The following CERKL variants were observed in gnomAD, a reference collection of about 807,000 sequenced individuals.
CERKL encodes the protein ceramide kinase-like protein.
CERKL carries 61 observed loss-of-function variants against 63.4 expected under a neutral mutation model. The ratio of observed to expected loss-of-function variants is 0.96; its 90% CI spans 0.78 to 1.19. CERKL has a LOEUF of 1.19. CERKL is among the 50% of genes most tolerant of loss of function. CERKL has a pLI of 0.00. For synonymous variants in CERKL, 250 were observed against 230.5 expected, an observed-to-expected ratio of 1.08 and a Z score of -0.77; for missense variants, 675 against 655.5, an observed-to-expected ratio of 1.03 and a Z score of -0.33.
intron 1 of CERKL, among the ~76,000 whole-genome samples, chr2:181,651,683 G>C (rs1156397171): frequency 6.6e-6 from 1 of 152,128 alleles, no homozygotes; most frequent in Non-Finnish European, 1.5e-5. Context: ...AACTGGGCAA[G>C]AGAAAGAAGT....
chr2:181,607,204 T>C (rs1685756093), intron 1 of CERKL, among the ~76,000 whole-genome samples: 1 of 152,220 alleles, frequency 6.6e-6, no homozygotes, highest in South Asian at 2.1e-4. Context: ...TATACATTCT[T>C]AGCAATATTA....
chr2:181,616,814 G>A (rs1164794323), intron 1 of CERKL, among the ~76,000 whole-genome samples: 1 of 152,124 alleles, frequency 6.6e-6, no homozygotes, highest in Non-Finnish European at 1.5e-5. Context: ...AAAAAGGTAG[G>A]TGTATACACA....
chr2:181,633,013 C>A (rs1377233271), intron 1 of CERKL, among the ~76,000 whole-genome samples: 8 of 152,208 alleles, frequency 5.3e-5, no homozygotes, highest in Admixed American at 5.2e-4. Context: ...GCGCCTGACT[C>A]TCCTATTTCA....
chr2:181,644,292 C>CA (rs920126958), intron 1 of CERKL, among the ~76,000 whole-genome samples: 1 of 152,228 alleles, frequency 6.6e-6, no homozygotes, highest in African/African-American at 2.4e-5. Context: ...CACTTGACTT[C>CA]AAAAACAGTC....
intron 4 of CERKL, among the ~76,000 whole-genome samples, chr2:181,559,688 T>A (rs960761831): frequency 1.3e-5 from 2 of 152,184 alleles, no homozygotes; most frequent in African/African-American, 4.8e-5. Context: ...TTCAATATAT[T>A]TAAAAACACT....
At chr2:181,585,348 A>G (rs1482630537) in intron 2 of CERKL, among the ~76,000 whole-genome samples, 1 of 152,178 alleles carries the variant, frequency 6.6e-6, no homozygotes, top group African/African-American at 2.4e-5. Context: ...TTAAAAAATA[A>G]GTTATAAAGC....
chr2:181,562,989 T>A (rs990004166), intron 4 of CERKL, among the ~76,000 whole-genome samples: 6 of 152,186 alleles, frequency 3.9e-5, no homozygotes, highest in Admixed American at 2.0e-4. Context: ...ACAATTTTTT[T>A]AAAAATTCTG....
chr2:181,553,403 A>C lies in CERKL; in HGVS notation c.821-3695T>G, dbSNP rs10930971. On this transcript the variant is annotated intron_variant, in intron 5 of 12. Transcript: ENST00000410087. ...TATCGATGGATTACAGTACTCCATG[A>C]AACACATTTCCTCCATTACCATGGT... 2.0e-5 allele frequency among the ~76,000 whole-genome samples: 3 copies of C among 152,020 alleles called. No individual in the cohort carries two copies. The South Asian group carries it at 6.2e-4, about 32-fold the overall frequency.
intron 2 of CERKL, among the ~76,000 whole-genome samples, chr2:181,585,277 G>A (rs1221381372): frequency 6.6e-6 from 1 of 151,784 alleles, no homozygotes; most frequent in Non-Finnish European, 1.5e-5. Flanking sequence ...ATAGTGTCTG[G>A]CACACAGTAG....
chr2:181,566,207 A>AT, intron 3 of CERKL, 86 bp from the exon 4 acceptor site: 1 of 952,856 alleles, frequency 1.0e-6, no homozygotes, highest in Non-Finnish European at 1.7e-6. Context: ...AAATAATATG[A>AT]TAAACATATG....
intron 1 of CERKL, among the ~76,000 whole-genome samples, chr2:181,607,278 T>A (rs1424261220): frequency 6.6e-6 from 1 of 152,246 alleles, no homozygotes; most frequent in Non-Finnish European, 1.5e-5. Context: ...AATGCTACTT[T>A]AACACATTTT....
intron 1 of CERKL, among the ~76,000 whole-genome samples, chr2:181,610,944 C>T (rs966931995): frequency 1.3e-5 from 2 of 152,110 alleles, no homozygotes; most frequent in African/African-American, 4.8e-5. Context: ...CTTATCCAGG[C>T]CAGACGTGGT....
Position 181,641,196 on chromosome 2 carries a change from A to T in CERKL, c.238+15573T>A, listed in dbSNP as rs902050486. On this transcript the variant is annotated intron_variant, in intron 1 of 12. Transcript: ENST00000410087. ...AAAAATACAATGATTTCTATAGACA[A>T]GACTTCAACTTTACTAGTAACCAAC... Among the ~76,000 whole-genome samples, 3 of 152,046 alleles carry T rather than the reference A, an allele frequency of 2.0e-5. No homozygotes were observed. The South Asian group carries it at 6.2e-4, about 32-fold the overall frequency.
chr2:181,633,423 G>A (rs915140664), intron 1 of CERKL, among the ~76,000 whole-genome samples: 9 of 152,214 alleles, frequency 5.9e-5, no homozygotes, highest in Non-Finnish European at 1.2e-4. Context: ...ATCTTAAACA[G>A]AGGGATAGGC....
chr2:181,562,229 CT>C (rs1688479729), intron 4 of CERKL, among the ~76,000 whole-genome samples: 1 of 152,202 alleles, frequency 6.6e-6, no homozygotes, highest in African/African-American at 2.4e-5. Context: ...TTGAATTCAT[CT>C]GTGAGCTCCC....
At chr2:181,548,333 G>C in intron 8 of CERKL, 1 of 584,714 alleles carries the variant, frequency 1.7e-6, no homozygotes, top group South Asian at 2.2e-5. Flanking sequence ...GAGAGACAGG[G>C]GGAAGGAAGG....
chr2:181,541,157 T>G (rs1687487124), intron 11 of CERKL, among the ~76,000 whole-genome samples: 1 of 152,172 alleles, frequency 6.6e-6, no homozygotes, highest in Admixed American at 6.5e-5. Context: ...AATGATGTCT[T>G]TAGGCCCTCA....
intron 5 of CERKL, among the ~76,000 whole-genome samples, chr2:181,552,467 A>T (rs1688027411): frequency 6.6e-6 from 1 of 152,140 alleles, no homozygotes; most frequent in Non-Finnish European, 1.5e-5. Context: ...CCACCTTGTG[A>T]AGAATGTGCC....
intron 6 of CERKL, 71 bp from the exon 7 acceptor site, chr2:181,548,928 G>T (rs1034329248): frequency 4.2e-5 from 58 of 1,391,516 alleles, no homozygotes; most frequent in Non-Finnish European, 5.7e-5. Context: ...ACATAAGAGA[G>T]CATATTTATT....
Sources: allele counts gnomAD v4.1 joint callset (sites outside exome capture counted in the v4.1 genomes callset), GRCh38; gene constraint gnomAD v4.1.1; transcripts MANE v1.5; gene names NCBI Gene and HGNC (gene_info 2026-07-23, HGNC 2026-07-21).